Variants in KIN observed in about 807,000 individuals in gnomAD.
KIN encodes the protein Kin17 DNA and RNA binding protein.
KIN carries 47 observed loss-of-function variants against 63.0 expected under a neutral mutation model. That is an observed-to-expected ratio of 0.75 (90% CI 0.59 to 0.95). KIN has a LOEUF of 0.95. Among genes scored for constraint, KIN ranks in the 40% least tolerant of loss-of-function variants. KIN has a pLI of 0.00. For synonymous variants in KIN, 160 were observed against 157.7 expected (o/e 1.01, Z -0.11); for missense variants, 408 against 460.9 (o/e 0.89, Z 1.05).
intron 12 of KIN, among the ~76,000 whole-genome samples, chr10:7,757,975 G>A (rs146646377): frequency 0.011 from 1,628 of 146,788 alleles, 19 homozygotes; most frequent in Admixed American, 0.019. Flanking sequence ...ATAACCACTT[G>A]CAAAGCTCAA....
chr10:7,774,489 CAAA>C (rs1413327844), intron 7 of KIN, among the ~76,000 whole-genome samples: 1 of 151,846 alleles, frequency 6.6e-6, no homozygotes, highest in Non-Finnish European at 1.5e-5. Flanking sequence ...AGGCTTTCCT[CAAA>C]AAACACAATC....
chr10:7,786,797 A>C lies in KIN; in HGVS notation c.114+1023T>G, dbSNP rs1254134236. Among the ~76,000 whole-genome samples the C allele has an allele frequency of 2.6e-5, 4 of 152,214 alleles. No individual in the cohort carries two copies. In the East Asian group the frequency reaches 7.7e-4, roughly 29 times the overall value. The stretch of plus-strand genomic sequence containing the variant: ...TAAACCACCCAGTCTACTGCACTTT[A>C]TATGGCAGTCCAAGCAGACTAAGAC... On this transcript the variant is annotated intron_variant, in intron 1 of 12. Coordinates refer to ENST00000379562, the MANE Select transcript of KIN (RefSeq NM_012311.4).
Position 7,776,748 on chromosome 10 carries a change from GA to G in KIN, c.559-950del, listed in dbSNP as rs1285829899. 1.7e-3 allele frequency among the ~76,000 whole-genome samples: 106 copies of G among 61,518 alleles called. 2 individuals are homozygous for G. The highest frequency in any genetic ancestry group is 0.014 in the Middle Eastern group (1 of 72). 40.4% of individuals were successfully genotyped at this position (61,518 alleles called of 152,430 possible). On this transcript the variant is annotated intron_variant, in intron 5 of 12. Transcript: ENST00000379562. The stretch of plus-strand genomic sequence containing the variant: ...ACTCTGTCTCAAAAAAAAAAAAAAA[GA>G]AAAGAAATTACATGCTTTGGCTGGG...
intron 7 of KIN, among the ~76,000 whole-genome samples, chr10:7,772,205 A>C (rs908629014): frequency 6.6e-6 from 1 of 152,200 alleles, no homozygotes; most frequent in East Asian, 1.9e-4. Context: ...TGAAACCAAG[A>C]GATGTTAATA....
At chr10:7,785,869 G>C (rs965785548) in intron 1 of KIN, among the ~76,000 whole-genome samples, 1 of 151,610 alleles carries the variant, frequency 6.6e-6, no homozygotes, top group African/African-American at 2.4e-5. Flanking sequence ...TCTAAATTCA[G>C]AATATAGAGA....
chr10:7,787,142 C>T (rs934612962), intron 1 of KIN, among the ~76,000 whole-genome samples: 1 of 152,220 alleles, frequency 6.6e-6, no homozygotes, highest in African/African-American at 2.4e-5. Context: ...ATACTTCACT[C>T]ATTTAAAACT....
intron 1 of KIN, among the ~76,000 whole-genome samples, 183 bp downstream of exon 1, chr10:7,787,637 G>A (rs1836052152): frequency 6.6e-6 from 1 of 152,194 alleles, no homozygotes; most frequent in South Asian, 2.1e-4. Context: ...GCTGGGCCCG[G>A]GGGCTGCGGG....
At chr10:7,775,900 C>A in intron 5 of KIN, 101 bp from the exon 6 acceptor site, 1 of 657,134 alleles carries the variant, frequency 1.5e-6, no homozygotes, top group Non-Finnish European at 2.6e-6. Context: ...CCAGGCAGCT[C>A]TAATACGCAA....
chr10:7,782,600 T>C (rs1835920159), intron 2 of KIN, among the ~76,000 whole-genome samples: 1 of 151,988 alleles, frequency 6.6e-6, no homozygotes, highest in South Asian at 2.1e-4. Flanking sequence ...GGTTTTGTCA[T>C]CTTGGCCACG....
rs929266053 is a variant in KIN, at chr10:7,752,914, T to C, written c.*3166A>G. The C allele has an allele frequency of 2.0e-5, 3 of 151,962 alleles. No homozygotes were observed. Among genetic ancestry groups the C allele is most frequent in the Non-Finnish European group, 4.4e-5 (3 of 68,004 alleles). The allele number at this position is 151,962 out of a possible 1,614,324, so 9.4% of individuals were successfully genotyped here. On this transcript the variant is annotated 3_prime_UTR_variant, in exon 13 of 13. Coordinates refer to ENST00000379562, the MANE Select transcript of KIN (RefSeq NM_012311.4). ...TAAAAAGATCAGCGGTCAGCAGGGATTTGGGGGGAGACAGGGAACAGACAG... is the reference window on the plus strand; with the variant it reads ...TAAAAAGATCAGCGGTCAGCAGGGACTTGGGGGGAGACAGGGAACAGACAG...
chr10:7,765,659 T>G (rs1835529444), intron 9 of KIN, among the ~76,000 whole-genome samples: 1 of 152,196 alleles, frequency 6.6e-6, no homozygotes, highest in African/African-American at 2.4e-5. Flanking sequence ...AATGTACCTA[T>G]TAATAAATGG....
chr10:7,760,865 C>T (rs1035046237), intron 11 of KIN, among the ~76,000 whole-genome samples: 4 of 152,134 alleles, frequency 2.6e-5, no homozygotes, highest in Non-Finnish European at 5.9e-5. Context: ...CATATCCATA[C>T]AATGACATAC....
At chr10:7,757,955 A>G (rs1347756834) in intron 12 of KIN, among the ~76,000 whole-genome samples, 1 of 152,120 alleles carries the variant, frequency 6.6e-6, no homozygotes, top group Non-Finnish European at 1.5e-5. Flanking sequence ...AGGTGCCAGA[A>G]ATGATAAAAA....
intron 4 of KIN, 104 bp downstream of exon 4, chr10:7,779,952 C>T (rs1835863120): frequency 1.6e-6 from 2 of 1,223,454 alleles, no homozygotes; most frequent in Non-Finnish European, 2.3e-6. Flanking sequence ...GATGAAAAAG[C>T]AAAACACTGA....
chr10:7,763,868 T>C, intron 9 of KIN, 77 bp from the exon 10 acceptor site: 1 of 713,634 alleles, frequency 1.4e-6, no homozygotes, highest in Non-Finnish European at 2.3e-6. Context: ...TTTTAAACTA[T>C]GTTCACCCAA....
At chr10:7,756,686 G>A (rs78400224) in intron 12 of KIN, among the ~76,000 whole-genome samples, 2,126 of 152,316 alleles carry the variant, frequency 0.014, 49 homozygotes, top group African/African-American at 0.048. Flanking sequence ...GGTTTTTAGA[G>A]TGAAACGTTA....
chr10:7,770,725 G>C (rs1056223483), intron 7 of KIN, among the ~76,000 whole-genome samples: 4 of 152,022 alleles, frequency 2.6e-5, no homozygotes, highest in African/African-American at 9.7e-5. Flanking sequence ...ATGAAGCAAA[G>C]GATAAATATT....
At chr10:7,762,639 CAAAT>C (rs1176420836) in intron 10 of KIN, 83 bp from the exon 11 acceptor site, 7 of 658,152 alleles carry the variant, frequency 1.1e-5, no homozygotes, top group South Asian at 4.3e-5. Flanking sequence ...GAAATGAAGA[CAAAT>C]AAAATATCAA....
chr10:7,786,367 T>A lies in KIN; in HGVS notation c.114+1453A>T, dbSNP rs771029181. Reference sequence around the variant, plus strand: ...TATTTAAGTATTTAAAGGTGAAATATCCTGATATTGGTATTTACCTTAAAA... The same window carrying A: ...TATTTAAGTATTTAAAGGTGAAATAACCTGATATTGGTATTTACCTTAAAA... On this transcript the variant is annotated intron_variant, in intron 1 of 12. Coordinates refer to ENST00000379562, the MANE Select transcript of KIN (RefSeq NM_012311.4). Among the ~76,000 whole-genome samples, 86 of 152,326 alleles carry A rather than the reference T, an allele frequency of 5.6e-4. 1 individual carries two copies. The highest frequency in any genetic ancestry group is 2.0e-3 in the African/African-American group (82 of 41,580).
Sources: allele counts gnomAD v4.1 joint callset (sites outside exome capture counted in the v4.1 genomes callset), GRCh38; gene constraint gnomAD v4.1.1; transcripts MANE v1.5; gene names NCBI Gene and HGNC (gene_info 2026-07-23, HGNC 2026-07-21).